The following KLC2 variants were observed in gnomAD, a reference collection of about 807,000 sequenced individuals.
The protein encoded by KLC2 is KLC 2.
In KLC2, 35 loss-of-function variants were observed where a neutral mutation model predicts 75.1. The ratio of observed to expected loss-of-function variants is 0.47; its 90% CI spans 0.36 to 0.62. The LOEUF (loss-of-function observed/expected upper bound fraction) is 0.62. Among genes scored for constraint, KLC2 ranks in the 20% least tolerant of loss-of-function variants. The pLI is 0.00. For synonymous variants in KLC2, 314 were observed against 336.7 expected, an observed-to-expected ratio of 0.93 and a Z score of 0.74; for missense variants, 611 against 833.2, an observed-to-expected ratio of 0.73 and a Z score of 3.28.
Position 66,267,136 on chromosome 11 carries a change from C to T in KLC2, c.*180C>T. The T allele has an allele frequency of 6.5e-7, 1 of 1,535,184 alleles. No individual in the cohort carries two copies. Among genetic ancestry groups the T allele is most frequent in the Non-Finnish European group, 8.8e-7 (1 of 1,137,998 alleles). On this transcript the variant is annotated 3_prime_UTR_variant, in exon 16 of 16. Transcript: ENST00000394067. Reference sequence around the variant, plus strand: ...CCTGAGCCCTGGAGGCTGGGCCTGCCCACTCCAGCTCCATCCCTTATTTAT... The same window carrying T: ...CCTGAGCCCTGGAGGCTGGGCCTGCTCACTCCAGCTCCATCCCTTATTTAT...
At chr11:66,263,148 G>C in intron 5 of KLC2, 112 bp downstream of exon 5, 1 of 727,756 alleles carries the variant, frequency 1.4e-6, no homozygotes, top group Non-Finnish European at 2.3e-6. Flanking sequence ...GTGGAGCTGG[G>C]CTACAGATGC....
intron 15 of KLC2, 68 bp from the exon 16 acceptor site, chr11:66,266,805 C>A (rs1856863142): frequency 1.3e-6 from 2 of 1,527,178 alleles, no homozygotes; most frequent in African/African-American, 2.7e-5. Context: ...AGGTCAGACC[C>A]CTTCAGGCCA....
rs1239473747 is a variant in KLC2 at position 66,267,027 on chromosome 11, C to T, written c.*71C>T. 5 of 1,573,632 alleles carry T rather than the reference C, an allele frequency of 3.2e-6. No homozygotes were observed. The highest frequency in any genetic ancestry group is 1.4e-5 in the African/African-American group (1 of 74,060). On this transcript the variant is annotated 3_prime_UTR_variant, in exon 16 of 16. Transcript: ENST00000394067. ...CCCTCACCCCAGCCCTGCGCATGGG[C>T]CTGCTGCTTGTCCCGCCTGTCTCTC... is the stretch of plus-strand genomic sequence containing the variant.
chr11:66,258,961 C>G (rs1208484504), intron 2 of KLC2, 139 bp downstream of exon 2: 1 of 637,970 alleles, frequency 1.6e-6, no homozygotes, highest in East Asian at 2.8e-5. Flanking sequence ...CAGTAAATAC[C>G]TTTTGAAGAA....
intron 4 of KLC2, 49 bp downstream of exon 4, chr11:66,262,241 C>T (rs761439882): frequency 1.3e-6 from 2 of 1,482,680 alleles, no homozygotes; most frequent in South Asian, 1.1e-5. Flanking sequence ...TGTGTGAACT[C>T]TTGGTCCTTG....
intron 15 of KLC2, 170 bp from the exon 16 acceptor site, chr11:66,266,703 A>G: frequency 4.8e-6 from 4 of 839,028 alleles, no homozygotes; most frequent in Non-Finnish European, 8.1e-6. Flanking sequence ...GTCACTGTGG[A>G]GATGGACGGG....
In KLC2 at chr11:66,263,863, C is replaced by T. The variant is rs200485244; in HGVS notation, c.853C>T (p.Leu285=). 4 of 1,614,178 alleles carry T rather than the reference C, an allele frequency of 2.5e-6. No individual in the cohort carries two copies. The Admixed American group carries it at 6.7e-5, about 27-fold the overall frequency. Residue 285 remains leucine, a synonymous_variant, in exon 7 of 16, where the codon CTA becomes TTA. Coordinates refer to ENST00000394067, the MANE Select transcript of KLC2 (RefSeq NM_001318734.2). Reference sequence around the variant, plus strand: ...CTCCCACCTCCAGGTGGCTGCGACACTAAACAACCTGGCAGTCCTGTATGG... The same window carrying T: ...CTCCCACCTCCAGGTGGCTGCGACATTAAACAACCTGGCAGTCCTGTATGG... ...GKDHPAVAAT[L]NNLAVLYGKR...
chr11:66,266,619 C>T, intron 15 of KLC2, 129 bp downstream of exon 15: 1 of 1,087,334 alleles, frequency 9.2e-7, no homozygotes, highest in Non-Finnish European at 1.4e-6. Context: ...CTACTTTGGG[C>T]TGGACAACGG....
chr11:66,252,925 C>CCTCAGGAAG (rs528280497), upstream of KLC2, among the ~76,000 whole-genome samples: 1 of 152,000 alleles, frequency 6.6e-6, no homozygotes, highest in Non-Finnish European at 1.5e-5. Flanking sequence ...GACAAGGGCC[C>CCTCAGGAAG]CTCAGGAAGC....
At position 66,266,154 on chromosome 11, in the gene KLC2, G is replaced by A. The variant is rs1041125019; in HGVS notation, c.1664G>A (p.Arg555His). The A allele has an allele frequency of 4.3e-6, 7 of 1,613,380 alleles. No homozygotes were observed. The highest frequency in any genetic ancestry group is 4.0e-5 in the African/African-American group (3 of 74,924). The change falls in exon 14 of 16, where the codon CGC (arginine) becomes CAC (histidine). Residue 555 changes from arginine (R) to histidine (H), a missense_variant. By Grantham distance (29) the Arg-to-His change is conservative. Transcript: ENST00000394067. ...GGGAAACTCCGGGATGCCCTGAGGC[G>A]CAGCAGTGAGATGCTGGTAAAGAAG... ...SFGKLRDALR[R>H]SSEMLVKKLQ...
the KLC2 span, among the ~76,000 whole-genome samples, chr11:66,246,583 C>T: frequency 3.5e-4 from 54 of 152,296 alleles, 1 homozygote; most frequent in South Asian, 4.8e-3. Flanking sequence ...CACTTACATG[C>T]ATCCCAAGTG....
At chr11:66,263,226 C>T (rs895224705) in intron 5 of KLC2, among the ~76,000 whole-genome samples, 190 bp downstream of exon 5, 5 of 152,138 alleles carry the variant, frequency 3.3e-5, no homozygotes, top group Non-Finnish European at 7.4e-5. Flanking sequence ...ATGAGGACTC[C>T]AGGGGTCCTG....
chr11:66,263,327 G>C (rs922125633), intron 5 of KLC2, among the ~76,000 whole-genome samples: 1 of 152,192 alleles, frequency 6.6e-6, no homozygotes, highest in Non-Finnish European at 1.5e-5. Flanking sequence ...GCTAGAAAAG[G>C]TTCCCATGGC....
At chr11:66,264,547 G>C in intron 9 of KLC2, 103 bp downstream of exon 9, 2 of 867,606 alleles carry the variant, frequency 2.3e-6, no homozygotes. Context: ...CTCAGGCTTT[G>C]GCCTGGCTGG....
rs190690432 is a variant in KLC2 at position 66,267,419 on chromosome 11, T to A, written c.*463T>A. On this transcript the variant is annotated 3_prime_UTR_variant, in exon 16 of 16. Coordinates refer to ENST00000394067, the MANE Select transcript of KLC2 (RefSeq NM_001318734.2). The stretch of plus-strand genomic sequence containing the variant: ...GGGCCTCCCCTCGTCCCTCTTCTAG[T>A]GGTACCGCCCAGGCCTTAATCACCC... 1.1e-5 allele frequency: 8 copies of A among 717,666 alleles called. No individual in the cohort carries two copies. In the East Asian group the frequency reaches 1.6e-4, roughly 14 times the overall value. 44.5% of individuals were successfully genotyped at this position (717,666 alleles called of 1,614,324 possible). A position where few individuals can be genotyped will look rare whatever the true frequency, so the allele number is the denominator to read the frequency against.
Position 66,263,589 on chromosome 11 carries a change from A to G in KLC2, c.753-71A>G. The G allele has an allele frequency of 1.9e-6, 2 of 1,048,596 alleles. 1 individual carries two copies. The highest frequency in any genetic ancestry group is 3.5e-5 in the Admixed American group (2 of 56,448). 65.0% of individuals were successfully genotyped at this position (1,048,596 alleles called of 1,614,324 possible). ...ACTCAGTGAGTACAGGAGTGACCAC[A>G]GGGATTGCAGACCATTGGGGAGGGC... On this transcript the variant is annotated intron_variant, in intron 5 of 15. Coordinates refer to ENST00000394067, the MANE Select transcript of KLC2 (RefSeq NM_001318734.2).
chr11:66,251,956 G>A, the KLC2 span, among the ~76,000 whole-genome samples: 10 of 152,190 alleles, frequency 6.6e-5, no homozygotes, highest in African/African-American at 2.4e-4. Context: ...CCCACCGTGT[G>A]GGAGAGCTGA....
intron 5 of KLC2, 43 bp from the exon 6 acceptor site, chr11:66,263,617 T>G (rs1296429839): frequency 1.4e-6 from 2 of 1,398,162 alleles, no homozygotes; most frequent in South Asian, 2.3e-5. Flanking sequence ...GGGAGGGCCT[T>G]GAGCTGGAGG....
At chr11:66,244,651 G>C in the KLC2 span, 1 of 152,310 alleles carries the variant, frequency 6.6e-6, no homozygotes, top group African/African-American at 2.4e-5. Flanking sequence ...CTGCTGTCCT[G>C]AGCGTCTCCT....
Sources: gnomAD v4.1 joint callset for allele counts (sites outside exome capture counted in the v4.1 genomes callset) on GRCh38, gnomAD v4.1.1 for gene constraint, MANE v1.5 for transcripts, NCBI Gene and HGNC (gene_info 2026-07-23, HGNC 2026-07-21) for gene names.